The following ZNF534 variants were observed in gnomAD, a reference collection of about 807,000 sequenced individuals.
ZNF534 encodes the protein zinc finger protein 534, also known as KRAB domain only 3.
ZNF534 carries 19 observed loss-of-function variants against 13.6 expected under a neutral mutation model. The observed-to-expected ratio is 1.40, with a 90% CI of 0.97 to 2.05. The LOEUF is 2.05. ZNF534 is among the 30% of genes most tolerant of loss of function. The probability of loss-of-function intolerance (pLI) is 0.00; values close to 1 mark genes in which losing one functional copy is unlikely to be tolerated. For missense variants in ZNF534, 782 were observed against 796.3 expected (o/e 0.98, Z 0.22); for synonymous variants, 244 against 273.8 (o/e 0.89, Z 1.07).
chr19:52,445,551 C>A (rs879294299), downstream of ZNF534, among the ~76,000 whole-genome samples: 17 of 152,248 alleles, frequency 1.1e-4, no homozygotes, highest in Non-Finnish European at 2.2e-4. Context: ...CTCCCATGAT[C>A]TAGACCTTCA....
Position 52,442,148 on chromosome 19 carries a change from T to C in ZNF534, c.*2702T>C, listed in dbSNP as rs1219345586. On this transcript the variant is annotated 3_prime_UTR_variant, in exon 5 of 5. Coordinates refer to ENST00000433050, the MANE Select transcript of ZNF534 (RefSeq NM_001143938.3). ...TGAAAAGGATTTAATTATTGTTTTC[T>C]TTTTTCCTAAAAGTGTTGGGAACAG... Among the ~76,000 whole-genome samples, 1 of 152,208 alleles carries C rather than the reference T, an allele frequency of 6.6e-6. No individual in the cohort carries two copies. Among genetic ancestry groups the C allele is most frequent in the East Asian group, 1.9e-4 (1 of 5,200 alleles).
Position 52,438,842 on chromosome 19 carries a change from C to T in ZNF534, c.1382C>T (p.Thr461Ile). 1.2e-6 allele frequency: 2 copies of T among 1,612,076 alleles called. No individual in the cohort carries two copies. Among genetic ancestry groups the T allele is most frequent in the South Asian group, 1.1e-5 (1 of 90,810 alleles). ...SSLTYHCRIH[T>I]GEKPYKCNEC... Reference sequence around the variant, plus strand: ...CTAACCTATCACTGTAGAATTCATACTGGAGAGAAGCCTTACAAATGTAAC... The same window carrying T: ...CTAACCTATCACTGTAGAATTCATATTGGAGAGAAGCCTTACAAATGTAAC... Residue 461 changes from threonine to isoleucine, a missense_variant, in exon 5 of 5, where the codon ACT becomes ATT. Around this residue, in one of 5 missense-constraint regions of ZNF534, gnomAD observed 591 missense variants for 574.0 expected, o/e 1.03. Transcript: ENST00000433050.
intron 4 of ZNF534, among the ~76,000 whole-genome samples, chr19:52,448,769 T>A (rs2059202728): frequency 6.6e-6 from 1 of 152,222 alleles, no homozygotes; most frequent in Non-Finnish European, 1.5e-5. Flanking sequence ...ATTTATATGG[T>A]ACATGTGATA....
At chr19:52,450,180 A>G (rs1391290240) in intron 4 of ZNF534, among the ~76,000 whole-genome samples, 1 of 152,168 alleles carries the variant, frequency 6.6e-6, no homozygotes, top group Non-Finnish European at 1.5e-5. Flanking sequence ...TTAGTTTAAT[A>G]TAATCCAATT....
Position 52,435,212 on chromosome 19 carries a change from G to A in ZNF534, c.271+3G>A. The A allele has an allele frequency of 6.9e-6, 11 of 1,605,414 alleles. No homozygotes were observed. Among genetic ancestry groups the A allele is most frequent in the Non-Finnish European group, 9.4e-6 (11 of 1,176,324 alleles). ...GTGCATCAAAGGTGTGAACACAGGTGAGAGCTCAGGTGGGCAGAGTGGAGG... is the reference window on the plus strand; with the variant it reads ...GTGCATCAAAGGTGTGAACACAGGTAAGAGCTCAGGTGGGCAGAGTGGAGG... On this transcript the variant is annotated splice_donor_region_variant and intron_variant, in intron 4 of 4. Transcript: ENST00000433050.
In ZNF534 at chr19:52,438,357, A is replaced by G; in HGVS notation, c.897A>G (p.Lys299=). The G allele has an allele frequency of 6.2e-7, 1 of 1,613,348 alleles. No homozygotes were observed. The highest frequency in any genetic ancestry group is 8.5e-7 in the Non-Finnish European group (1 of 1,179,440). Residue 299 remains lysine (K), a synonymous_variant, in exon 5 of 5, where the codon AAA becomes AAG. Coordinates refer to ENST00000433050, the MANE Select transcript of ZNF534 (RefSeq NM_001143938.3). The stretch of plus-strand genomic sequence containing the variant: ...TTCATACTGGAGAGAAGCCTTACAA[A>G]TGTAGTGAATGTGGCAAAGCATTTA... ...RKIHTGEKPY[K]CSECGKAFSV... is the part of the protein sequence containing the mutation.
At chr19:52,448,050 G>A (rs1377643769) in intron 4 of ZNF534, among the ~76,000 whole-genome samples, 3 of 152,154 alleles carry the variant, frequency 2.0e-5, no homozygotes, top group African/African-American at 7.2e-5. Flanking sequence ...GTTAGGCTGA[G>A]ATGGGAGGAT....
rs770187919 is a variant in ZNF534, at chr19:52,431,448, C to G, written c.-27C>G. The G allele has an allele frequency of 6.2e-7, 1 of 1,613,464 alleles. No homozygotes were observed. Among genetic ancestry groups the G allele is most frequent in the Non-Finnish European group, 8.5e-7 (1 of 1,179,778 alleles). On this transcript the variant is annotated 5_prime_UTR_variant, in exon 2 of 5. Coordinates refer to ENST00000433050, the MANE Select transcript of ZNF534 (RefSeq NM_001143938.3). ...AGACATATTATGCAAGGAAGCAACT[C>G]GGAAGAGGAAAGAAAGGAAGTCAGG...
chr19:52,438,782 T>G lies in ZNF534; in HGVS notation c.1322T>G (p.Ile441Arg). The G allele has an allele frequency of 6.2e-7, 1 of 1,606,390 alleles. No homozygotes were observed. Among genetic ancestry groups the G allele is most frequent in the South Asian group, 1.1e-5 (1 of 90,214 alleles). ...ACTGGAGAGAAACCTTACGAATGTA[T>G]AGACTGTGGCAAGGTCTTCAGGCAC... ...IHTGEKPYECIDCGKVFRHKS... is the reference protein window; with the variant it reads ...IHTGEKPYECRDCGKVFRHKS... The change falls in exon 5 of 5, where the codon ATA becomes AGA. Residue 441 changes from isoleucine (I) to arginine (R), a missense_variant. By Grantham distance (97) the Ile-to-Arg change is moderately conservative (BLOSUM62 -3). Coordinates refer to ENST00000433050, the MANE Select transcript of ZNF534 (RefSeq NM_001143938.3).
At chr19:52,435,821 G>A (rs2059124833) in intron 4 of ZNF534, among the ~76,000 whole-genome samples, 2 of 151,768 alleles carry the variant, frequency 1.3e-5, no homozygotes, top group South Asian at 2.1e-4. Context: ...AATGATTTTT[G>A]AGTTCTAATT....
At position 52,440,130 on chromosome 19, in the gene ZNF534, CATATGAAAT is replaced by C. The variant is rs925575581; in HGVS notation, c.*685_*693del. Among the ~76,000 whole-genome samples, 34 of 152,180 alleles carry C rather than the reference CATATGAAAT, an allele frequency of 2.2e-4. No homozygotes were observed. Among genetic ancestry groups the C allele is most frequent in the African/African-American group, 8.0e-4 (33 of 41,458 alleles). ...AAGTAATAAATATGGCAAAGAATTTCATATGAAATCATGCCTCTCTACCCATCTATTAAT... is the reference window on the plus strand; with the variant it reads ...AAGTAATAAATATGGCAAAGAATTTCCATGCCTCTCTACCCATCTATTAAT... On this transcript the variant is annotated 3_prime_UTR_variant, in exon 5 of 5. Coordinates refer to ENST00000433050, the MANE Select transcript of ZNF534 (RefSeq NM_001143938.3).
intron 4 of ZNF534, among the ~76,000 whole-genome samples, chr19:52,437,531 C>T (rs1044791883): frequency 5.3e-5 from 8 of 152,122 alleles, no homozygotes; most frequent in Admixed American, 1.3e-4. Context: ...ATTGCTTAAA[C>T]CCAGGAGGCA....
rs375878535 is a variant in ZNF534 at position 52,441,838 on chromosome 19, CAT to C, written c.*2395_*2396del. Among the ~76,000 whole-genome samples, 167 of 152,222 alleles carry C rather than the reference CAT, an allele frequency of 1.1e-3. No individual in the cohort carries two copies. Among genetic ancestry groups the C allele is most frequent in the African/African-American group, 2.9e-3 (119 of 41,526 alleles). On this transcript the variant is annotated 3_prime_UTR_variant, in exon 5 of 5. Transcript: ENST00000433050. ...ATGGAGAGAAACCTTACAAATGCAACATATGTGGTAAAATGTTTTAGTCACAA... is the reference window on the plus strand; with the variant it reads ...ATGGAGAGAAACCTTACAAATGCAACATGTGGTAAAATGTTTTAGTCACAA...
exon 5 of ZNF534, chr19:52,451,259 A>G (rs1231728363): frequency 4.7e-6 from 4 of 852,534 alleles, no homozygotes; most frequent in Non-Finnish European, 7.8e-6. Flanking sequence ...GGTGCTGAGG[A>G]GCCAACCGGC....
In ZNF534 at chr19:52,435,099, T is replaced by C. The variant is rs1455202825; in HGVS notation, c.161T>C (p.Leu54Pro). 2.5e-6 allele frequency: 4 copies of C among 1,612,730 alleles called. No individual in the cohort carries two copies. The highest frequency in any genetic ancestry group is 3.4e-6 in the Non-Finnish European group (4 of 1,179,176). The change falls in exon 4 of 5, where the codon CTG becomes CCG. Residue 54 changes from leucine (L) to proline (P), a missense_variant. Around this residue, in one of 5 missense-constraint regions of ZNF534, gnomAD observed 81 missense variants for 63.5 expected, o/e 1.28. Coordinates refer to ENST00000433050, the MANE Select transcript of ZNF534 (RefSeq NM_001143938.3). Reference protein sequence around the residue: ...LVSLGICLPDLSVTSMLEQKR... With the variant: ...LVSLGICLPDPSVTSMLEQKR... ...TAAGTAGGAATCTGTCTTCCTGACC[T>C]GAGTGTTACCTCCATGTTGGAGCAA...
downstream of ZNF534, among the ~76,000 whole-genome samples, chr19:52,443,246 T>G (rs140807476): frequency 6.6e-6 from 1 of 152,274 alleles, no homozygotes; most frequent in Admixed American, 6.5e-5. Context: ...TGATTATCTT[T>G]TTGCGATGAA....
chr19:52,451,386 A>G (rs916222939), exon 5 of ZNF534: 18 of 832,332 alleles, frequency 2.2e-5, no homozygotes, highest in Non-Finnish European at 3.4e-5. Context: ...CAGAGGGCCG[A>G]GGCCACGGGA....
chr19:52,435,432 C>T (rs1390525692), intron 4 of ZNF534, among the ~76,000 whole-genome samples: 1 of 152,074 alleles, frequency 6.6e-6, no homozygotes. Context: ...GTTTGGGAAA[C>T]TCTGCAAGTG....
chr19:52,435,744 A>G (rs2059124398), intron 4 of ZNF534, among the ~76,000 whole-genome samples: 1 of 151,792 alleles, frequency 6.6e-6, no homozygotes, highest in African/African-American at 2.4e-5. Flanking sequence ...ACCTCAAGTG[A>G]TCCACCCACC....
Sources: allele counts gnomAD v4.1 joint callset (sites outside exome capture counted in the v4.1 genomes callset), GRCh38; gene constraint gnomAD v4.1.1; regional missense constraint gnomAD v4.1.1; transcripts MANE v1.5; gene names NCBI Gene and HGNC (gene_info 2026-07-23, HGNC 2026-07-21).